Variants in DLG2 observed in about 807,000 individuals in gnomAD.
DLG2 encodes the protein discs large MAGUK scaffold protein 2, also known as disks large homolog 2.
In DLG2, 45 loss-of-function variants were observed where a neutral mutation model predicts 132.5. The observed-to-expected ratio is 0.34, with a 90% CI of 0.27 to 0.44. The LOEUF (loss-of-function observed/expected upper bound fraction) is 0.44, where lower values mean the gene tolerates loss of function less well. Among genes scored for constraint, DLG2 ranks in the 20% least tolerant of loss-of-function variants. DLG2 has a pLI of 1.00. For synonymous variants in DLG2, 424 were observed against 419.6 expected, an observed-to-expected ratio of 1.01 and a Z score of -0.13; for missense variants, 1,045 against 1,196.9, an observed-to-expected ratio of 0.87 and a Z score of 1.87.
chr11:85,513,013 A>G (rs1201402289), intron 3 of DLG2, among the ~76,000 whole-genome samples: 1 of 152,240 alleles, frequency 6.6e-6, no homozygotes, highest in East Asian at 1.9e-4. Flanking sequence ...ACACAGCCAT[A>G]AAAAAGAACA....
chr11:84,862,785 C>T (rs563927645), intron 6 of DLG2, among the ~76,000 whole-genome samples: 32 of 115,380 alleles, frequency 2.8e-4, no homozygotes, highest in Admixed American at 8.1e-4. Flanking sequence ...CACATGGACA[C>T]AGGGAGGGGG....
intron 6 of DLG2, among the ~76,000 whole-genome samples, chr11:84,776,686 G>A (rs2070583887): frequency 6.6e-6 from 1 of 152,070 alleles, no homozygotes; most frequent in Admixed American, 6.6e-5. Context: ...TCTGGTTTGA[G>A]TTAACATAAT....
chr11:84,888,701 C>A (rs1174691833), intron 6 of DLG2, among the ~76,000 whole-genome samples: 2 of 152,032 alleles, frequency 1.3e-5, no homozygotes, highest in Admixed American at 1.3e-4. Context: ...TTATTAGCTT[C>A]TATCCTCCAA....
chr11:83,767,156 T>C (rs976014988), intron 18 of DLG2, among the ~76,000 whole-genome samples: 1 of 152,212 alleles, frequency 6.6e-6, no homozygotes, highest in Non-Finnish European at 1.5e-5. Flanking sequence ...GACGTAATCA[T>C]AGGTTTTAGG....
chr11:84,887,835 CT>C (rs1190316763), intron 6 of DLG2, among the ~76,000 whole-genome samples: 3 of 152,130 alleles, frequency 2.0e-5, no homozygotes, highest in African/African-American at 7.2e-5. Context: ...ATTCCCTGAG[CT>C]GCATAATGGG....
intron 9 of DLG2, among the ~76,000 whole-genome samples, chr11:84,133,898 G>C (rs1291383783): frequency 6.6e-6 from 1 of 152,010 alleles, no homozygotes; most frequent in African/African-American, 2.4e-5. Context: ...GTAAGTCCTT[G>C]TAACTCTGTG....
At chr11:85,609,719 C>A (rs1363933368) in intron 2 of DLG2, among the ~76,000 whole-genome samples, 1 of 152,150 alleles carries the variant, frequency 6.6e-6, no homozygotes, top group Non-Finnish European at 1.5e-5. Context: ...CATGTTATCA[C>A]CCTCACTGAG....
chr11:85,540,931 A>C (rs941663494), intron 3 of DLG2, among the ~76,000 whole-genome samples: 36 of 152,234 alleles, frequency 2.4e-4, no homozygotes, highest in African/African-American at 8.7e-4. Context: ...AAATTATAAT[A>C]GTTGGAAAAC....
chr11:84,337,499 A>AT (rs913942923), intron 7 of DLG2, among the ~76,000 whole-genome samples: 2 of 152,166 alleles, frequency 1.3e-5, no homozygotes, highest in Admixed American at 6.5e-5. Flanking sequence ...ATGTGTATAT[A>AT]TTTTTTTCTG....
intron 14 of DLG2, among the ~76,000 whole-genome samples, chr11:83,945,934 G>GTCCTTCCTTCCTTCCTTCCTTCCT (rs760832594): frequency 1.5e-5 from 2 of 136,062 alleles, no homozygotes; most frequent in Admixed American, 7.6e-5. Context: ...CCTTCCTTCC[G>GTCCTTCCTTCCTTCCTTCCTTCCT]TCCTTCCTTC....
chr11:83,992,680 G>C (rs567255699), intron 11 of DLG2, among the ~76,000 whole-genome samples: 28 of 152,046 alleles, frequency 1.8e-4, no homozygotes, highest in African/African-American at 6.0e-4. Flanking sequence ...CTTGGTACTT[G>C]GATATCAAGA....
intron 7 of DLG2, among the ~76,000 whole-genome samples, chr11:84,375,329 A>C (rs1321760758): frequency 1.3e-5 from 2 of 152,142 alleles, no homozygotes; most frequent in African/African-American, 4.8e-5. Flanking sequence ...TGCATGAATT[A>C]ACTGCTATAA....
At chr11:85,032,856 G>A (rs2061136333) in intron 6 of DLG2, among the ~76,000 whole-genome samples, 1 of 152,150 alleles carries the variant, frequency 6.6e-6, no homozygotes. Flanking sequence ...TGGATTCAGA[G>A]AGCAATGGTA....
intron 6 of DLG2, among the ~76,000 whole-genome samples, chr11:84,565,658 C>T (rs971844254): frequency 1.3e-5 from 2 of 152,098 alleles, no homozygotes; most frequent in Admixed American, 1.3e-4. Context: ...GGCTTTGATG[C>T]TCTACCTCAA....
At chr11:84,424,129 A>T (rs551181665) in intron 7 of DLG2, among the ~76,000 whole-genome samples, 1 of 152,168 alleles carries the variant, frequency 6.6e-6, no homozygotes, top group Non-Finnish European at 1.5e-5. Flanking sequence ...ATGCTTTTCA[A>T]GTTAATGACT....
At chr11:85,351,392 T>C (rs1183815384) in intron 3 of DLG2, among the ~76,000 whole-genome samples, 1 of 152,226 alleles carries the variant, frequency 6.6e-6, no homozygotes, top group Non-Finnish European at 1.5e-5. Context: ...CCTAATTGAA[T>C]ACCCTTTATT....
chr11:84,837,888 T>G (rs957583246), intron 6 of DLG2, among the ~76,000 whole-genome samples: 2 of 151,736 alleles, frequency 1.3e-5, no homozygotes, highest in Non-Finnish European at 1.5e-5. Flanking sequence ...GCAAATAACC[T>G]GGGAGCTTGT....
intron 6 of DLG2, among the ~76,000 whole-genome samples, chr11:84,702,911 C>T (rs749153808): frequency 1.3e-5 from 2 of 151,538 alleles, no homozygotes; most frequent in Non-Finnish European, 3.0e-5. Context: ...TGTTAAAAAG[C>T]TAATGAATTA....
chr11:83,958,641 T>A (rs148881340), intron 14 of DLG2, among the ~76,000 whole-genome samples: 8 of 152,274 alleles, frequency 5.3e-5, no homozygotes, highest in African/African-American at 1.9e-4. Context: ...ACTGTTTGCA[T>A]ATCCTAAGTA....
Sources: gnomAD v4.1 joint callset for allele counts (sites outside exome capture counted in the v4.1 genomes callset) on GRCh38, gnomAD v4.1.1 for gene constraint, MANE v1.5 for transcripts, NCBI Gene and HGNC (gene_info 2026-07-23, HGNC 2026-07-21) for gene names.